Variants in TTC21A observed in about 807,000 individuals in gnomAD.
TTC21A encodes tetratricopeptide repeat protein 21A.
In TTC21A, 128 loss-of-function variants were observed where a neutral mutation model predicts 156.4. The observed-to-expected ratio is 0.82, with a 90% CI of 0.71 to 0.95. The LOEUF (loss-of-function observed/expected upper bound fraction) is 0.95. TTC21A is among the 40% of genes least tolerant of loss of function. The pLI is 0.00. For missense variants in TTC21A, 1,435 were observed against 1,602.3 expected, an observed-to-expected ratio of 0.90 and a Z score of 1.78; for synonymous variants, 587 against 617.1, an observed-to-expected ratio of 0.95 and a Z score of 0.72.
In TTC21A at chr3:39,107,754, G is replaced by A; in HGVS notation, c.-84G>A. The A allele has an allele frequency of 1.3e-6, 2 of 1,589,454 alleles. No individual in the cohort carries two copies. The highest frequency in any genetic ancestry group is 1.7e-6 in the Non-Finnish European group (2 of 1,163,194). ...TGTAACGCCTTCAACCGCCCGCCGC[G>A]ATAGAGTGCCCACGACCCTGCCTCG... On this transcript the variant is annotated 5_prime_UTR_variant, in exon 1 of 29. Transcript: ENST00000683103.
chr3:39,112,470 A>G lies in TTC21A; in HGVS notation c.448A>G (p.Arg150Gly). 1 of 1,614,210 alleles carries G rather than the reference A, an allele frequency of 6.2e-7. No individual in the cohort carries two copies. The highest frequency in any genetic ancestry group is 8.5e-7 in the Non-Finnish European group (1 of 1,180,036). The change falls in exon 5 of 29, where the codon AGA becomes GGA. Residue 150 changes from arginine to glycine, a missense_variant. Transcript: ENST00000683103. Reference protein sequence around the residue: ...SRGFREAYVLRGWVDLTSDKP... With the variant: ...SRGFREAYVLGGWVDLTSDKP... ...GTTCTCATCCCAGGCCTATGTGCTC[A>G]GAGGCTGGGTGGACCTGACCTCAGA...
At chr3:39,131,221 A>G in intron 19 of TTC21A, 126 bp downstream of exon 19, 5 of 661,364 alleles carry the variant, frequency 7.6e-6, no homozygotes, top group Non-Finnish European at 1.0e-5. Flanking sequence ...CCTAGGTTAC[A>G]CCTCTGACAT....
At chr3:39,111,622 G>A (rs2036836435) in intron 4 of TTC21A, among the ~76,000 whole-genome samples, 1 of 151,914 alleles carries the variant, frequency 6.6e-6, no homozygotes, top group Non-Finnish European at 1.5e-5. Flanking sequence ...AATTTTCAAG[G>A]GTGTAGACAT....
At position 39,108,986 on chromosome 3, in the gene TTC21A, G is replaced by A. The variant is rs112790355; in HGVS notation, c.28-99G>A. 3.7e-3 allele frequency: 4,971 copies of A among 1,354,832 alleles called. 11 individuals are homozygous for A. Among genetic ancestry groups the A allele is most frequent in the Middle Eastern group, 9.8e-3 (52 of 5,282 alleles). 83.9% of individuals were successfully genotyped at this position (1,354,832 alleles called of 1,614,324 possible). On this transcript the variant is annotated intron_variant, in intron 1 of 28. Coordinates refer to ENST00000683103, the MANE Select transcript of TTC21A (RefSeq NM_001366900.1). ...CTCTTCCCTTTGCAGAACTGAGGAG[G>A]AGCAGGGGATAGGGAAGGGAGCAGG... is the stretch of plus-strand genomic sequence containing the variant.
In TTC21A at chr3:39,134,366, C is replaced by G; in HGVS notation, c.2862+38C>G. 1 of 1,437,748 alleles carries G rather than the reference C, an allele frequency of 7.0e-7. No individual in the cohort carries two copies. The highest frequency in any genetic ancestry group is 9.8e-7 in the Non-Finnish European group (1 of 1,019,138). The allele number at this position is 1,437,748 out of a possible 1,614,324, so 89.1% of individuals were successfully genotyped here. On this transcript the variant is annotated intron_variant, in intron 21 of 28. Transcript: ENST00000683103. This position sits in a 1 kb window ranked among gnomAD's most constrained non-coding sequence, Gnocchi z 4.6. Reference sequence around the variant, plus strand: ...CAGCACCCACTCCCTCCCCTCCCTTCCTCCCTTCCCAGGGTCCCTGTGACC... The same window carrying G: ...CAGCACCCACTCCCTCCCCTCCCTTGCTCCCTTCCCAGGGTCCCTGTGACC...
chr3:39,138,517 C>G lies in TTC21A; in HGVS notation c.3797-39C>G, dbSNP rs769390602. The G allele has an allele frequency of 1.9e-6, 3 of 1,614,060 alleles. No homozygotes were observed. The Admixed American group carries it at 5.0e-5, about 27-fold the overall frequency. ...GAGAACCAGAGGGGTTCTCAGGTCA[C>G]CAGGGTGCCACCATCTTTGCTCTCC... On this transcript the variant is annotated intron_variant, in intron 27 of 28. Coordinates refer to ENST00000683103, the MANE Select transcript of TTC21A (RefSeq NM_001366900.1).
chr3:39,136,802 T>C (rs1203132036), intron 23 of TTC21A, 97 bp from the exon 24 acceptor site: 3 of 1,453,170 alleles, frequency 2.1e-6, no homozygotes, highest in Non-Finnish European at 2.8e-6. Context: ...AGATCCAGCC[T>C]CTGCTTTGTG....
chr3:39,109,628 G>A (rs2036630967), intron 2 of TTC21A, among the ~76,000 whole-genome samples: 1 of 152,194 alleles, frequency 6.6e-6, no homozygotes, highest in East Asian at 1.9e-4. Flanking sequence ...ACATTCAGAA[G>A]GTGGTCCTAG....
At chr3:39,118,992 A>T (rs1315668600) in intron 7 of TTC21A, 1 of 152,112 alleles carries the variant, frequency 6.6e-6, no homozygotes, top group South Asian at 2.1e-4. Context: ...GTCTCTGGGT[A>T]GGAATAAGAG....
In TTC21A at chr3:39,138,145, T is replaced by C. The variant is rs934272237; in HGVS notation, c.3676-122T>C. On this transcript the variant is annotated intron_variant, in intron 26 of 28. Transcript: ENST00000683103. ...GTACCCCTGGGGTCCCTTGGCAGTT[T>C]GGTTTATGGCAGCTCACTTCTGTCC... 16 of 1,473,520 alleles carry C rather than the reference T, an allele frequency of 1.1e-5. No homozygotes were observed. In the Middle Eastern group the frequency reaches 6.2e-4, roughly 57 times the overall value. 91.3% of individuals were successfully genotyped at this position (1,473,520 alleles called of 1,614,324 possible).
chr3:39,137,910 A>G, intron 26 of TTC21A, 200 bp downstream of exon 26: 1 of 640,930 alleles, frequency 1.6e-6, no homozygotes, highest in East Asian at 2.7e-5. Flanking sequence ...GAGGAGGTGC[A>G]CAGGGGTCGT....
intron 8 of TTC21A, 75 bp from the exon 9 acceptor site, chr3:39,120,922 C>A: frequency 7.4e-7 from 1 of 1,351,376 alleles, no homozygotes; most frequent in South Asian, 1.4e-5. Flanking sequence ...AAAGTGTCCC[C>A]CGTTTCTGAC....
At position 39,138,575 on chromosome 3, in the gene TTC21A, C is replaced by G. The variant is rs758657765; in HGVS notation, c.3816C>G (p.Asn1272Lys). 1 of 1,614,238 alleles carries G rather than the reference C, an allele frequency of 6.2e-7. No individual in the cohort carries two copies. Among genetic ancestry groups the G allele is most frequent in the Non-Finnish European group, 8.5e-7 (1 of 1,180,050 alleles). The change falls in exon 28 of 29, where the codon AAC becomes AAG. Residue 1272 changes from asparagine (N) to lysine (K), a missense_variant. Coordinates refer to ENST00000683103, the MANE Select transcript of TTC21A (RefSeq NM_001366900.1). ...NPAIGFKLAF[N>K]YLKDKKFVEA... is the part of the protein sequence containing the mutation. ...CGGTAGGCTTCAAACTTGCTTTCAA[C>G]TACCTGAAGGACAAGAAATTTGTGG...
rs1485168823 is a variant in TTC21A at position 39,110,101 on chromosome 3, T to C, written c.230T>C (p.Met77Thr). 1.9e-6 allele frequency: 3 copies of C among 1,614,146 alleles called. No homozygotes were observed. In the Admixed American group the frequency reaches 5.0e-5, roughly 27 times the overall value. ...HHPDVSLCSTMALIYAHKRCE... is the reference protein window; with the variant it reads ...HHPDVSLCSTTALIYAHKRCE... ...CCAGACGTGTCCCTGTGCTCCACCATGGCCCTCATTTATGCTCACAAAAGA... is the reference window on the plus strand; with the variant it reads ...CCAGACGTGTCCCTGTGCTCCACCACGGCCCTCATTTATGCTCACAAAAGA... Residue 77 changes from methionine (M) to threonine (T), a missense_variant, in exon 3 of 29, where the codon ATG becomes ACG. By Grantham distance (81) the Met-to-Thr change is moderately conservative. Transcript: ENST00000683103.
chr3:39,117,032 C>T (rs114247083), intron 6 of TTC21A, among the ~76,000 whole-genome samples: 1,755 of 152,176 alleles, frequency 0.012, 41 homozygotes, highest in African/African-American at 0.04. Flanking sequence ...GAGTTGGATG[C>T]CTGTCTCAAC....
chr3:39,128,294 G>A, intron 12 of TTC21A, 37 bp from the exon 13 acceptor site: 1 of 1,606,520 alleles, frequency 6.2e-7, no homozygotes, highest in Non-Finnish European at 8.5e-7. Flanking sequence ...GGAGCCCTTG[G>A]GAACCCTGCA....
rs1393544024 is a variant in TTC21A at position 39,110,102 on chromosome 3, G to A, written c.231G>A (p.Met77Ile). Residue 77 changes from methionine (M) to isoleucine (I), a missense_variant, in exon 3 of 29, where the codon ATG (methionine) becomes ATA (isoleucine). Physicochemically the swap from Met to Ile is conservative, Grantham distance 10. Transcript: ENST00000683103. The part of the protein sequence containing the change: ...HHPDVSLCST[M>I]ALIYAHKRCE... The stretch of plus-strand genomic sequence containing the variant: ...CAGACGTGTCCCTGTGCTCCACCAT[G>A]GCCCTCATTTATGCTCACAAAAGAT... 6.2e-7 allele frequency: 1 copy of A among 1,614,000 alleles called. No individual in the cohort carries two copies. The highest frequency in any genetic ancestry group is 1.3e-5 in the African/African-American group (1 of 74,924).
rs1300025363 is a variant in TTC21A at position 39,135,047 on chromosome 3, A to G, written c.2863-46A>G. ...CCCCGCCTCCCCCTACACCCATGCA[A>G]GCTGCCACTGTTGGGAAATCTGGAG... On this transcript the variant is annotated intron_variant, in intron 21 of 28. Coordinates refer to ENST00000683103, the MANE Select transcript of TTC21A (RefSeq NM_001366900.1). 3.2e-6 allele frequency: 5 copies of G among 1,573,740 alleles called. 1 individual carries two copies. The highest frequency in any genetic ancestry group is 3.5e-4 in the Middle Eastern group (2 of 5,700).
Position 39,138,847 on chromosome 3 carries a change from G to C in TTC21A, c.*59G>C. The C allele has an allele frequency of 6.9e-7, 1 of 1,441,514 alleles. No individual in the cohort carries two copies. Among genetic ancestry groups the C allele is most frequent in the East Asian group, 2.3e-5 (1 of 43,508 alleles). 89.3% of individuals were successfully genotyped at this position (1,441,514 alleles called of 1,614,324 possible). A position where few individuals can be genotyped will look rare whatever the true frequency, so the allele number is the denominator to read the frequency against. On this transcript the variant is annotated 3_prime_UTR_variant, in exon 29 of 29. Coordinates refer to ENST00000683103, the MANE Select transcript of TTC21A (RefSeq NM_001366900.1). ...TCAACCTACTGAAGTTGTGTGGAGG[G>C]ATGGAAAGTGGGTCAGTGGAGAAGG...
Sources: allele counts gnomAD v4.1 joint callset (sites outside exome capture counted in the v4.1 genomes callset), GRCh38; gene constraint gnomAD v4.1.1; non-coding constraint Gnocchi (gnomAD v3.1); transcripts MANE v1.5; gene names NCBI Gene and HGNC (gene_info 2026-07-23, HGNC 2026-07-21).